The following HTR5A variants were observed in gnomAD, a reference collection of about 807,000 sequenced individuals.
The protein encoded by HTR5A is 5-hydroxytryptamine receptor 5A.
In HTR5A, 21 loss-of-function variants were observed where a neutral mutation model predicts 24.3. The ratio of observed to expected loss-of-function variants is 0.86; its 90% CI spans 0.61 to 1.24. The LOEUF (loss-of-function observed/expected upper bound fraction) is 1.24. HTR5A is among the 50% of genes most tolerant of loss of function. The pLI, the probability that HTR5A is intolerant of heterozygous loss-of-function variation, is 0.00. For missense variants in HTR5A, 497 were observed against 489.5 expected, an observed-to-expected ratio of 1.02 and a Z score of -0.15; for synonymous variants, 260 against 213.7, an observed-to-expected ratio of 1.22 and a Z score of -1.89.
chr7:155,071,091 C>T lies in HTR5A; in HGVS notation c.192C>T (p.Thr64=). 1 of 1,607,862 alleles carries T rather than the reference C, an allele frequency of 6.2e-7. No individual in the cohort carries two copies. Among genetic ancestry groups the T allele is most frequent in the Non-Finnish European group, 8.5e-7 (1 of 1,180,000 alleles). The change falls in exon 1 of 2, where the codon ACC becomes ACT. Residue 64 remains threonine (T), a synonymous_variant. Transcript: ENST00000287907. ...TFAWNLLVLA[T]ILRVRTFHRV... is the part of the protein sequence containing the mutation. ...CCTGGAACCTGCTGGTGCTGGCGAC[C>T]ATCCTCCGTGTACGCACCTTCCACC...
At position 155,085,722 on chromosome 7, in the gene HTR5A, GA is replaced by G. The variant is rs1795469651; in HGVS notation, c.*1237del. 2 of 152,122 alleles carry G rather than the reference GA, an allele frequency of 1.3e-5. No homozygotes were observed. The highest frequency in any genetic ancestry group is 2.9e-5 in the Non-Finnish European group (2 of 68,020). 9.4% of individuals were successfully genotyped at this position (152,122 alleles called of 1,614,324 possible). On this transcript the variant is annotated 3_prime_UTR_variant, in exon 2 of 2. Transcript: ENST00000287907. ...TATGTCTCTGACTCTTCAAATGCATGAATTAAAGAATGATATAATAATCTCT... is the reference window on the plus strand; with the variant it reads ...TATGTCTCTGACTCTTCAAATGCATGATTAAAGAATGATATAATAATCTCT...
In HTR5A at chr7:155,070,768, A is replaced by T; in HGVS notation, c.-132A>T. On this transcript the variant is annotated 5_prime_UTR_variant, in exon 1 of 2. Transcript: ENST00000287907. ...AGCAGGAAATTGGGGCCAAATTCAC[A>T]GGCACTTTCCAGAAACTCCCCCACT... 3 of 965,048 alleles carry T rather than the reference A, an allele frequency of 3.1e-6. No individual in the cohort carries two copies. Among genetic ancestry groups the T allele is most frequent in the Non-Finnish European group, 4.7e-6 (3 of 644,552 alleles). The allele number at this position is 965,048 out of a possible 1,614,324, so 59.8% of individuals were successfully genotyped here. A position where few individuals can be genotyped will look rare whatever the true frequency, so the allele number is the denominator to read the frequency against.
chr7:155,080,580 A>G (rs1795405019), intron 1 of HTR5A, among the ~76,000 whole-genome samples: 1 of 152,240 alleles, frequency 6.6e-6, no homozygotes, highest in Non-Finnish European at 1.5e-5. Context: ...ACTACTGCTC[A>G]GAGTCTGAGA....
At chr7:155,077,465 T>G (rs898341704) in intron 1 of HTR5A, among the ~76,000 whole-genome samples, 1 of 96,080 alleles carries the variant, frequency 1.0e-5, no homozygotes, top group African/African-American at 4.0e-5. Flanking sequence ...GTTTTTTTTT[T>G]GTTTTTTTTT....
chr7:155,076,592 G>T (rs1795361751), intron 1 of HTR5A, among the ~76,000 whole-genome samples: 1 of 152,184 alleles, frequency 6.6e-6, no homozygotes, highest in South Asian at 2.1e-4. Flanking sequence ...GAGGATCCAA[G>T]TTCTGTCTGG....
At position 155,071,348 on chromosome 7, in the gene HTR5A, C is replaced by T. The variant is rs377665987; in HGVS notation, c.449C>T (p.Thr150Met). Residue 150 changes from threonine (T) to methionine (M), a missense_variant, in exon 1 of 2, where the codon ACG (threonine) becomes ATG (methionine). By Grantham distance (81) the Thr-to-Met change is moderately conservative. Coordinates refer to ENST00000287907, the MANE Select transcript of HTR5A (RefSeq NM_024012.4). ...YWSITRHMEY[T>M]LRTRKCVSNV... ...TCCATCACGCGCCACATGGAATACA[C>T]GCTCCGCACCCGCAAGTGCGTCTCC... 1.2e-6 allele frequency: 2 copies of T among 1,613,566 alleles called. No individual in the cohort carries two copies. Among genetic ancestry groups the T allele is most frequent in the Non-Finnish European group, 1.7e-6 (2 of 1,180,044 alleles).
At position 155,084,266 on chromosome 7, in the gene HTR5A, C is replaced by T. The variant is rs1409572854; in HGVS notation, c.853C>T (p.Leu285Phe). Residue 285 changes from leucine (L) to phenylalanine (F), a missense_variant, in exon 2 of 2, where the codon CTC (leucine) becomes TTC (phenylalanine). Physicochemically the swap from Leu to Phe is conservative, Grantham distance 22 (BLOSUM62 0). Coordinates refer to ENST00000287907, the MANE Select transcript of HTR5A (RefSeq NM_024012.4). Reference protein sequence around the residue: ...WREQKEQRAALMVGILIGVFV... With the variant: ...WREQKEQRAAFMVGILIGVFV... ...GGAGCAGAAGGAGCAGCGGGCCGCC[C>T]TCATGGTGGGCATCCTCATTGGCGT... The T allele has an allele frequency of 6.2e-7, 1 of 1,614,160 alleles. No individual in the cohort carries two copies. Among genetic ancestry groups the T allele is most frequent in the Non-Finnish European group, 8.5e-7 (1 of 1,180,028 alleles).
Position 155,071,215 on chromosome 7 carries a change from C to G in HTR5A, c.316C>G (p.Arg106Gly). 1 of 1,603,220 alleles carries G rather than the reference C, an allele frequency of 6.2e-7. No homozygotes were observed. The highest frequency in any genetic ancestry group is 1.1e-5 in the South Asian group (1 of 91,066). Residue 106 changes from arginine to glycine, a missense_variant, in exon 1 of 2, where the codon CGC becomes GGC. Arg to Gly is a moderately radical substitution (Grantham distance 125). Transcript: ENST00000287907. ...LSLVHELSGR[R>G]WQLGRRLCQL... Reference sequence around the variant, plus strand: ...CCTGGTGCACGAGCTGTCCGGGCGCCGCTGGCAGCTAGGTCGGAGGCTGTG... The same window carrying G: ...CCTGGTGCACGAGCTGTCCGGGCGCGGCTGGCAGCTAGGTCGGAGGCTGTG...
At chr7:155,080,037 A>T (rs1202622049) in intron 1 of HTR5A, among the ~76,000 whole-genome samples, 1 of 152,222 alleles carries the variant, frequency 6.6e-6, no homozygotes, top group East Asian at 1.9e-4. Flanking sequence ...ATTAGATTGG[A>T]AACTTATCAA....
In HTR5A at chr7:155,084,361, C is replaced by T. The variant is rs556407933; in HGVS notation, c.948C>T (p.Pro316=). ...GTCCCCTCTGCTCCTGTGACATCCC[C>T]GCCATCTGGAAAAGCATCTTCCTGT... is the stretch of plus-strand genomic sequence containing the variant. The part of the protein sequence containing the change: ...LISPLCSCDI[P]AIWKSIFLWL... Residue 316 remains proline (P), a synonymous_variant, in exon 2 of 2, where the codon CCC becomes CCT. Coordinates refer to ENST00000287907, the MANE Select transcript of HTR5A (RefSeq NM_024012.4). 8.9e-5 allele frequency: 143 copies of T among 1,614,164 alleles called. No individual in the cohort carries two copies. The highest frequency in any genetic ancestry group is 1.1e-4 in the Non-Finnish European group (129 of 1,180,020).
rs115692583 is a variant in HTR5A at position 155,086,382 on chromosome 7, C to A, written c.*1895C>A. Among the ~76,000 whole-genome samples the A allele has an allele frequency of 0.013, 2,030 of 152,328 alleles. 40 individuals carry two copies. Among genetic ancestry groups the A allele is most frequent in the African/African-American group, 0.041 (1,702 of 41,570 alleles). Reference sequence around the variant, plus strand: ...GTCTTACTGTTTAAAAAAGTTCATACTCTTCAGTAAAGCGAAGCTTGAGGA... The same window carrying A: ...GTCTTACTGTTTAAAAAAGTTCATAATCTTCAGTAAAGCGAAGCTTGAGGA... On this transcript the variant is annotated 3_prime_UTR_variant, in exon 2 of 2. Coordinates refer to ENST00000287907, the MANE Select transcript of HTR5A (RefSeq NM_024012.4).
chr7:155,071,632 G>T lies in HTR5A; in HGVS notation c.733G>T (p.Ala245Ser), dbSNP rs1305445008. The T allele has an allele frequency of 3.7e-6, 6 of 1,613,440 alleles. No homozygotes were observed. In the South Asian group the frequency reaches 4.4e-5, roughly 12 times the overall value. Residue 245 changes from alanine to serine, a missense_variant, in exon 1 of 2, where the codon GCT (alanine) becomes TCT (serine). Ala to Ser is a moderately conservative substitution (Grantham distance 99). Coordinates refer to ENST00000287907, the MANE Select transcript of HTR5A (RefSeq NM_024012.4). ...CAATAGCGTCTCACCCATATCCGAA[G>T]CTGTGGAGGTGGGTATCTCAGCAAT... ...KTNSVSPISE[A>S]VEVKDSAKQP...
chr7:155,076,774 C>A (rs2150818809), intron 1 of HTR5A, among the ~76,000 whole-genome samples: 1 of 152,198 alleles, frequency 6.6e-6, no homozygotes, highest in African/African-American at 2.4e-5. Context: ...GCAATTGGGG[C>A]TTATTACATG....
At position 155,085,590 on chromosome 7, in the gene HTR5A, G is replaced by A. The variant is rs1468624275; in HGVS notation, c.*1103G>A. 2.0e-5 allele frequency: 3 copies of A among 152,100 alleles called. No homozygotes were observed. Among genetic ancestry groups the A allele is most frequent in the African/African-American group, 7.2e-5 (3 of 41,412 alleles). The allele number at this position is 152,100 out of a possible 1,614,324, so 9.4% of individuals were successfully genotyped here. A position where few individuals can be genotyped will look rare whatever the true frequency, so the allele number is the denominator to read the frequency against. On this transcript the variant is annotated 3_prime_UTR_variant, in exon 2 of 2. Coordinates refer to ENST00000287907, the MANE Select transcript of HTR5A (RefSeq NM_024012.4). ...ACAAATTGACAGTATAATTTATGAG[G>A]TGAGGCAGTTAAGTGATGATGCAGC...
In HTR5A at chr7:155,071,078, T is replaced by C. The variant is rs1163232435; in HGVS notation, c.179T>C (p.Leu60Pro). The C allele has an allele frequency of 3.7e-6, 6 of 1,608,800 alleles. No individual in the cohort carries two copies. Among genetic ancestry groups the C allele is most frequent in the African/African-American group, 1.3e-5 (1 of 75,068 alleles). ...GCGGCGACGTTCGCCTGGAACCTGC[T>C]GGTGCTGGCGACCATCCTCCGTGTA... ...LVAATFAWNL[L>P]VLATILRVRT... is the part of the protein sequence containing the mutation. The change falls in exon 1 of 2, where the codon CTG becomes CCG. Residue 60 changes from leucine to proline, a missense_variant. Coordinates refer to ENST00000287907, the MANE Select transcript of HTR5A (RefSeq NM_024012.4).
In HTR5A at chr7:155,084,255, A is replaced by G. The variant is rs1795450182; in HGVS notation, c.842A>G (p.Gln281Arg). Residue 281 changes from glutamine to arginine, a missense_variant, in exon 2 of 2, where the codon CAG (glutamine) becomes CGG (arginine). Physicochemically the swap from Gln to Arg is conservative, Grantham distance 43. Transcript: ENST00000287907. ...GACACGTGGCGGGAGCAGAAGGAGCAGCGGGCCGCCCTCATGGTGGGCATC... is the reference window on the plus strand; with the variant it reads ...GACACGTGGCGGGAGCAGAAGGAGCGGCGGGCCGCCCTCATGGTGGGCATC... ...EGDTWREQKE[Q>R]RAALMVGILI... 1 of 1,614,060 alleles carries G rather than the reference A, an allele frequency of 6.2e-7. No individual in the cohort carries two copies. The highest frequency in any genetic ancestry group is 1.7e-5 in the Admixed American group (1 of 59,996).
At chr7:155,080,011 C>T (rs1795398850) in intron 1 of HTR5A, among the ~76,000 whole-genome samples, 1 of 152,176 alleles carries the variant, frequency 6.6e-6, no homozygotes, top group Non-Finnish European at 1.5e-5. Context: ...ATCATTAGCC[C>T]TCAGGTCCAG....
chr7:155,078,307 A>C (rs1795379269), intron 1 of HTR5A, among the ~76,000 whole-genome samples: 1 of 152,162 alleles, frequency 6.6e-6, no homozygotes, highest in African/African-American at 2.4e-5. Context: ...TTTTCTTATT[A>C]AATTCCCAAA....
rs929285490 is a variant in HTR5A, at chr7:155,086,368, TA to T, written c.*1887del. 9.2e-5 allele frequency among the ~76,000 whole-genome samples: 14 copies of T among 152,226 alleles called. No individual in the cohort carries two copies. The highest frequency in any genetic ancestry group is 3.1e-4 in the African/African-American group (13 of 41,470). On this transcript the variant is annotated 3_prime_UTR_variant, in exon 2 of 2. Transcript: ENST00000287907. ...CATAAATCGTGAGTGTCTTACTGTT[TA>T]AAAAAGTTCATACTCTTCAGTAAAG...
Sources: allele counts gnomAD v4.1 joint callset (sites outside exome capture counted in the v4.1 genomes callset), GRCh38; gene constraint gnomAD v4.1.1; transcripts MANE v1.5; gene names NCBI Gene and HGNC (gene_info 2026-07-23, HGNC 2026-07-21).